The following ASAP1 variants were observed in gnomAD, a reference collection of about 807,000 sequenced individuals.
The protein encoded by ASAP1 is ArfGAP with SH3 domain, ankyrin repeat and PH domain 1.
Under a neutral mutation model 145.2 loss-of-function variants are expected in ASAP1, and 43 were observed. That is an observed-to-expected ratio of 0.30 (90% CI 0.23 to 0.38). ASAP1 has a LOEUF of 0.38. Among genes scored for constraint, ASAP1 ranks in the 10% least tolerant of loss-of-function variants. ASAP1 has a pLI of 1.00. For synonymous variants in ASAP1, 546 were observed against 515.5 expected, an observed-to-expected ratio of 1.06 and a Z score of -0.80; for missense variants, 1,018 against 1,355.3, an observed-to-expected ratio of 0.75 and a Z score of 3.91.
intron 3 of ASAP1, among the ~76,000 whole-genome samples, chr8:130,296,743 G>A (rs1265091890): frequency 2.0e-5 from 3 of 150,672 alleles, no homozygotes; most frequent in Non-Finnish European, 2.9e-5. Flanking sequence ...GCACAAGGCC[G>A]ACTACAGAAT....
intron 27 of ASAP1, among the ~76,000 whole-genome samples, chr8:130,063,943 G>A (rs1049944908): frequency 1.3e-5 from 2 of 152,142 alleles, no homozygotes; most frequent in African/African-American, 2.4e-5. Flanking sequence ...GTAAGCAGGG[G>A]AAGGGAGAAA....
intron 1 of ASAP1, among the ~76,000 whole-genome samples, chr8:130,423,397 C>T (rs1829796747): frequency 6.6e-6 from 1 of 152,178 alleles, no homozygotes; most frequent in East Asian, 1.9e-4. Flanking sequence ...ATTGGTAAAC[C>T]TTTCTGGAGG....
intron 3 of ASAP1, among the ~76,000 whole-genome samples, chr8:130,299,831 G>A (rs918869489): frequency 1.2e-4 from 18 of 151,990 alleles, no homozygotes; most frequent in Non-Finnish European, 2.5e-4. Context: ...TACATTTCAA[G>A]ATCAGAAATA....
At position 130,378,885 on chromosome 8, in the gene ASAP1, C is replaced by A. The variant is rs566037936; in HGVS notation, c.60-20742G>T. ...GATCTGGGCAACTCACAGTCACAGG[C>A]CTTTCCACATGTTTTCTCATCTGAT... is the stretch of plus-strand genomic sequence containing the variant. On this transcript the variant is annotated intron_variant, in intron 2 of 29. Transcript: ENST00000518721. Among the ~76,000 whole-genome samples the A allele has an allele frequency of 4.6e-5, 7 of 152,276 alleles. No homozygotes were observed. In the South Asian group the frequency reaches 6.2e-4, roughly 14 times the overall value.
chr8:130,339,817 C>G (rs1425615291), intron 3 of ASAP1, among the ~76,000 whole-genome samples: 1 of 152,114 alleles, frequency 6.6e-6, no homozygotes, highest in Non-Finnish European at 1.5e-5. Context: ...ATTTCTAAGG[C>G]TCCTTCTGGC....
intron 3 of ASAP1, among the ~76,000 whole-genome samples, chr8:130,264,858 G>A (rs1049162207): frequency 5.3e-5 from 8 of 152,134 alleles, no homozygotes; most frequent in African/African-American, 1.9e-4. Context: ...GGGTGAGTCA[G>A]GGAGAATGTC....
At chr8:130,247,094 G>A (rs959864043) in intron 3 of ASAP1, 8 of 152,182 alleles carry the variant, frequency 5.3e-5, no homozygotes, top group Non-Finnish European at 1.5e-5. Context: ...ACCACACACT[G>A]ACTGTGTGAC....
intron 3 of ASAP1, among the ~76,000 whole-genome samples, chr8:130,324,089 C>T (rs542637617): frequency 5.3e-5 from 8 of 152,202 alleles, no homozygotes; most frequent in Non-Finnish European, 1.0e-4. Context: ...CCCAAACCCT[C>T]TGAGTCAATC....
In ASAP1 at chr8:130,313,009, T is replaced by C. The variant is rs150139553; in HGVS notation, c.186+45008A>G. Among the ~76,000 whole-genome samples, 957 of 152,322 alleles carry C rather than the reference T, an allele frequency of 6.3e-3. 11 individuals are homozygous for C. The highest frequency in any genetic ancestry group is 0.021 in the African/African-American group (865 of 41,572). On this transcript the variant is annotated intron_variant, in intron 3 of 29. Coordinates refer to ENST00000518721, the MANE Select transcript of ASAP1 (RefSeq NM_018482.4). ...ATGACTTGGCAAATGAAAGCAATCA[T>C]AGCATGCACATACCTGTTCATGAAA...
intron 3 of ASAP1, among the ~76,000 whole-genome samples, chr8:130,261,592 A>G (rs907943964): frequency 6.6e-6 from 1 of 152,174 alleles, no homozygotes; most frequent in Admixed American, 6.5e-5. Flanking sequence ...AAGACCTCAT[A>G]CAAGAGATAC....
At chr8:130,071,607 C>T (rs7386417) in intron 27 of ASAP1, among the ~76,000 whole-genome samples, 60,508 of 151,936 alleles carry the variant, frequency 0.4, 12,405 homozygotes, top group Admixed American at 0.47. Flanking sequence ...TGAGAGTAAA[C>T]AAATAAATGG....
chr8:130,079,771 G>A (rs1414755027), intron 26 of ASAP1, 131 bp downstream of exon 26: 9 of 854,652 alleles, frequency 1.1e-5, no homozygotes, highest in East Asian at 2.5e-5. Context: ...CTGGTTTCTT[G>A]TTGTGGCCTG....
chr8:130,170,951 A>G (rs1813557225), intron 9 of ASAP1, among the ~76,000 whole-genome samples: 1 of 152,130 alleles, frequency 6.6e-6, no homozygotes. Context: ...CCTGGACTCA[A>G]GTAATCTGCT....
intron 4 of ASAP1, among the ~76,000 whole-genome samples, chr8:130,216,049 G>C (rs576258740): frequency 7.3e-6 from 1 of 137,076 alleles, no homozygotes; most frequent in African/African-American, 2.5e-5. Context: ...GAAAGGAAAA[G>C]AAAGAAAAGG....
Position 130,061,023 on chromosome 8 carries a change from G to A in ASAP1, c.2748C>T (p.Ile916=), listed in dbSNP as rs369455130. The change falls in exon 28 of 30, where the codon ATC becomes ATT. Residue 916 remains isoleucine (I), a synonymous_variant. Transcript: ENST00000518721. ...TDHLSLDKAT[I]PPEIFQKSSQ... is the part of the protein sequence containing the mutation. The stretch of plus-strand genomic sequence containing the variant: ...ATGATTTCTGAAAGATTTCGGGCGG[G>A]ATGGTGGCTTTGTCTAGGGAGAGAT... The A allele has an allele frequency of 3.2e-6, 5 of 1,547,008 alleles. No homozygotes were observed. Among genetic ancestry groups the A allele is most frequent in the Non-Finnish European group, 4.3e-6 (5 of 1,151,214 alleles).
chr8:130,238,746 G>A (rs1818358555), intron 3 of ASAP1, among the ~76,000 whole-genome samples: 1 of 151,998 alleles, frequency 6.6e-6, no homozygotes, highest in African/African-American at 2.4e-5. Context: ...AGAAAGGCAA[G>A]GTGAGAAAGG....
chr8:130,066,212 G>A (rs1009448983), intron 27 of ASAP1, among the ~76,000 whole-genome samples: 1 of 152,176 alleles, frequency 6.6e-6, no homozygotes, highest in African/African-American at 2.4e-5. Flanking sequence ...AAGGACAGGT[G>A]TTGTTACAAT....
chr8:130,101,817 C>G (rs538902473), intron 24 of ASAP1, among the ~76,000 whole-genome samples: 257 of 144,618 alleles, frequency 1.8e-3, no homozygotes, highest in African/African-American at 6.4e-3. Flanking sequence ...AAGCAATGCA[C>G]CCACCTCATC....
intron 24 of ASAP1, among the ~76,000 whole-genome samples, chr8:130,094,295 T>C (rs2097512385): frequency 6.6e-6 from 1 of 152,132 alleles, no homozygotes; most frequent in South Asian, 2.1e-4. Context: ...ACTGCAGCCC[T>C]GATCTCCTGG....
Sources: gnomAD v4.1 joint callset for allele counts (sites outside exome capture counted in the v4.1 genomes callset) on GRCh38, gnomAD v4.1.1 for gene constraint, MANE v1.5 for transcripts, NCBI Gene and HGNC (gene_info 2026-07-23, HGNC 2026-07-21) for gene names.